ESRRG: variants seen among roughly 807,000 people sequenced by gnomAD.
ESRRG encodes estrogen related receptor gamma.
Under a neutral mutation model 44.0 loss-of-function variants are expected in ESRRG, and 13 were observed. That is an observed-to-expected ratio of 0.30 (90% CI 0.19 to 0.47). The LOEUF is 0.47. ESRRG is among the 20% of genes least tolerant of loss of function. The pLI is 1.00. For synonymous variants in ESRRG, 215 were observed against 214.6 expected (o/e 1.00, Z -0.02); for missense variants, 395 against 580.6 (o/e 0.68, Z 3.29).
chr1:216,581,968 T>C (rs1192132182), intron 3 of ESRRG, among the ~76,000 whole-genome samples: 1 of 152,254 alleles, frequency 6.6e-6, no homozygotes, highest in African/African-American at 2.4e-5. Flanking sequence ...AATTTCTTGA[T>C]AGAAGTCAAG....
intron 1 of ESRRG, among the ~76,000 whole-genome samples, chr1:217,096,969 T>C (rs903062250): frequency 1.6e-4 from 24 of 152,322 alleles, no homozygotes; most frequent in African/African-American, 5.8e-4. Flanking sequence ...CTAGCCTTAC[T>C]GCTAGGCTGT....
intron 2 of ESRRG, among the ~76,000 whole-genome samples, chr1:216,930,882 C>T (rs559331508): frequency 6.6e-6 from 1 of 152,288 alleles, no homozygotes; most frequent in South Asian, 2.1e-4. Flanking sequence ...GCCTGTAGAA[C>T]ACACAAGGTT....
At chr1:216,515,003 GCACA>G (rs1558191325) in intron 6 of ESRRG, among the ~76,000 whole-genome samples, 6 of 149,474 alleles carry the variant, frequency 4.0e-5, no homozygotes, top group Admixed American at 2.0e-4. Context: ...ACTTACATAT[GCACA>G]TATATATACA....
At chr1:217,007,995 G>C (rs951817633) in intron 1 of ESRRG, among the ~76,000 whole-genome samples, 13 of 152,188 alleles carry the variant, frequency 8.5e-5, no homozygotes, top group African/African-American at 3.1e-4. Context: ...CTTCTGCACA[G>C]TGTGTCTAGT....
At chr1:217,026,912 C>CACACACAGAGAGAGAGAGAG (rs1255637839) in intron 1 of ESRRG, among the ~76,000 whole-genome samples, 34 of 93,446 alleles carry the variant, frequency 3.6e-4, no homozygotes, top group East Asian at 1.4e-3. Context: ...CACACACACA[C>CACACACAGAGAGAGAGAGAG]AGAGAGAGAG....
chr1:217,007,421 G>T (rs1579396501), intron 1 of ESRRG, among the ~76,000 whole-genome samples: 1 of 152,126 alleles, frequency 6.6e-6, no homozygotes, highest in Non-Finnish European at 1.5e-5. Context: ...CTAAGTCAAT[G>T]ACATTTTCAT....
intron 4 of ESRRG, among the ~76,000 whole-genome samples, chr1:216,564,992 T>C (rs1332712670): frequency 6.6e-6 from 1 of 152,122 alleles, no homozygotes; most frequent in Admixed American, 6.6e-5. Context: ...ACCCAGCCAG[T>C]CTTCCAAATA....
intron 1 of ESRRG, among the ~76,000 whole-genome samples, chr1:216,958,812 G>GCAAC (rs1450543584): frequency 6.6e-6 from 1 of 151,996 alleles, no homozygotes; most frequent in Non-Finnish European, 1.5e-5. Flanking sequence ...GTGTCCTTGA[G>GCAAC]CAACCAATCA....
intron 1 of ESRRG, among the ~76,000 whole-genome samples, chr1:216,996,355 G>T (rs2076376864): frequency 6.6e-6 from 1 of 151,988 alleles, no homozygotes. Flanking sequence ...ACAAGGAATG[G>T]AAATGGGAAA....
At chr1:216,901,327 C>T (rs139180092) in intron 2 of ESRRG, among the ~76,000 whole-genome samples, 44 of 152,254 alleles carry the variant, frequency 2.9e-4, no homozygotes, top group African/African-American at 9.6e-4. Context: ...TTAAGAGATA[C>T]TTCTCAGTAT....
At chr1:217,056,459 G>C (rs2087115373) in intron 1 of ESRRG, among the ~76,000 whole-genome samples, 1 of 151,934 alleles carries the variant, frequency 6.6e-6, no homozygotes, top group Non-Finnish European at 1.5e-5. Context: ...AAGTATGCAA[G>C]ACTTTTTCCA....
chr1:216,983,031 GTTT>G (rs9308379), intron 1 of ESRRG, among the ~76,000 whole-genome samples: 69,222 of 132,808 alleles, frequency 0.52, 18,071 homozygotes, highest in South Asian at 0.71. Context: ...ACTTTGAACT[GTTT>G]TTTTTTTTTT....
chr1:216,940,337 C>A (rs1211772504), intron 1 of ESRRG, among the ~76,000 whole-genome samples: 1 of 152,152 alleles, frequency 6.6e-6, no homozygotes, highest in Admixed American at 6.6e-5. Context: ...TCAATTTCAA[C>A]CTACAAAAAT....
At chr1:216,551,296 A>G (rs528802327) in intron 5 of ESRRG, among the ~76,000 whole-genome samples, 1 of 152,290 alleles carries the variant, frequency 6.6e-6, no homozygotes, top group African/African-American at 2.4e-5. Context: ...AGCTTGCTAC[A>G]AAAATATATT....
At chr1:216,686,540 A>T (rs1306378565) in intron 1 of ESRRG, among the ~76,000 whole-genome samples, 1 of 151,932 alleles carries the variant, frequency 6.6e-6, no homozygotes, top group Non-Finnish European at 1.5e-5. Context: ...TCAAATCAGG[A>T]CCTGCTTGTC....
At chr1:217,006,111 C>A (rs1476398608) in intron 1 of ESRRG, among the ~76,000 whole-genome samples, 1 of 152,046 alleles carries the variant, frequency 6.6e-6, no homozygotes, top group Non-Finnish European at 1.5e-5. Flanking sequence ...AGAATGAGTC[C>A]TTTTGGCTTA....
chr1:216,832,831 C>T (rs1396964744), intron 2 of ESRRG, among the ~76,000 whole-genome samples: 1 of 151,994 alleles, frequency 6.6e-6, no homozygotes, highest in Non-Finnish European at 1.5e-5. Context: ...CAAAAGTTAG[C>T]CAGATGTAGT....
At chr1:216,940,721 C>G (rs1335305832) in intron 1 of ESRRG, among the ~76,000 whole-genome samples, 2 of 152,184 alleles carry the variant, frequency 1.3e-5, no homozygotes. Context: ...ACCTCTAAAT[C>G]TATTCACTAA....
At chr1:216,762,581 G>A (rs1386697038) in intron 2 of ESRRG, among the ~76,000 whole-genome samples, 1 of 151,354 alleles carries the variant, frequency 6.6e-6, no homozygotes, top group Admixed American at 6.6e-5. Flanking sequence ...GGGAGGGATA[G>A]CATTGGGAGA....
Sources: allele counts gnomAD v4.1 joint callset (sites outside exome capture counted in the v4.1 genomes callset), GRCh38; gene constraint gnomAD v4.1.1; transcripts MANE v1.5; gene names NCBI Gene and HGNC (gene_info 2026-07-23, HGNC 2026-07-21).